SENP6: variants seen among roughly 807,000 people sequenced by gnomAD.
The protein encoded by SENP6 is sentrin-specific protease 6.
Under a neutral mutation model 134.5 loss-of-function variants are expected in SENP6, and 41 were observed. The ratio of observed to expected loss-of-function variants is 0.30; its 90% CI spans 0.24 to 0.40. The LOEUF (loss-of-function observed/expected upper bound fraction) is 0.40, where lower values mean the gene tolerates loss of function less well. Among genes scored for constraint, SENP6 ranks in the 10% least tolerant of loss-of-function variants. The probability of loss-of-function intolerance (pLI) is 1.00; values close to 1 mark genes in which losing one functional copy is unlikely to be tolerated. For missense variants in SENP6, 1,248 were observed against 1,312.5 expected (o/e 0.95, Z 0.76); for synonymous variants, 395 against 429.8 (o/e 0.92, Z 1.00).
intron 6 of SENP6, chr6:75,646,543 T>C (rs1279724362): frequency 6.6e-6 from 1 of 152,216 alleles, no homozygotes; most frequent in Non-Finnish European, 1.5e-5. Flanking sequence ...CTATTATAAG[T>C]ACACTACTGT....
Position 75,716,352 on chromosome 6 carries a change from C to G in SENP6, c.*758C>G, listed in dbSNP as rs987346309. The stretch of plus-strand genomic sequence containing the variant: ...CTTGAATTTCAAATATCCCGTGTTA[C>G]CTTTCTCTATTACAGCTTAAAGTAT... On this transcript the variant is annotated 3_prime_UTR_variant, in exon 24 of 24. Coordinates refer to ENST00000447266, the MANE Select transcript of SENP6 (RefSeq NM_015571.4). 1 of 151,950 alleles carries G rather than the reference C, an allele frequency of 6.6e-6. No individual in the cohort carries two copies. The highest frequency in any genetic ancestry group is 1.5e-5 in the Non-Finnish European group (1 of 67,860). 9.4% of individuals were successfully genotyped at this position (151,950 alleles called of 1,614,324 possible). A position where few individuals can be genotyped will look rare whatever the true frequency, so the allele number is the denominator to read the frequency against.
rs747764103 is a variant in SENP6 at position 75,647,779 on chromosome 6, G to C, written c.528G>C (p.Arg176Ser). 2 of 1,612,902 alleles carry C rather than the reference G, an allele frequency of 1.2e-6. No individual in the cohort carries two copies. Among genetic ancestry groups the C allele is most frequent in the South Asian group, 2.2e-5 (2 of 91,028 alleles). Residue 176 changes from arginine (R) to serine (S), a missense_variant, in exon 7 of 24, where the codon AGG becomes AGC. Physicochemically the swap from Arg to Ser is moderately radical, Grantham distance 110. Transcript: ENST00000447266. ...AAAAAGTTGAAATTAATCCTGTAAG[G>C]TTAAGTCGGCTCCAAGGTGTTGGTA... ...HVQKVEINPV[R>S]LSRLQGVERI...
At chr6:75,660,481 A>C (rs1771688977) in intron 8 of SENP6, among the ~76,000 whole-genome samples, 1 of 152,168 alleles carries the variant, frequency 6.6e-6, no homozygotes, top group Non-Finnish European at 1.5e-5. Flanking sequence ...TTCATGACTT[A>C]CCTTGATGCT....
chr6:75,650,201 T>A (rs796840873), intron 7 of SENP6, among the ~76,000 whole-genome samples: 1 of 152,198 alleles, frequency 6.6e-6, no homozygotes, highest in Non-Finnish European at 1.5e-5. Flanking sequence ...AGAAATGATG[T>A]TGTGGCATTC....
In SENP6 at chr6:75,697,535, T is replaced by G. The variant is rs1774739268; in HGVS notation, c.2288+18T>G. 6.4e-7 allele frequency: 1 copy of G among 1,557,162 alleles called. No individual in the cohort carries two copies. The highest frequency in any genetic ancestry group is 1.1e-5 in the South Asian group (1 of 88,708). ...AATGAAGCGTGAGTAAGAATTTCCT[T>G]TAAAGGAAAATCTTTAAATCATGTA... On this transcript the variant is annotated intron_variant, in intron 18 of 23. Coordinates refer to ENST00000447266, the MANE Select transcript of SENP6 (RefSeq NM_015571.4).
intron 18 of SENP6, among the ~76,000 whole-genome samples, chr6:75,699,242 C>T (rs1314451976): frequency 6.6e-6 from 1 of 150,620 alleles, no homozygotes. Context: ...AAGTTATTAT[C>T]AGTGCTTCCA....
chr6:75,644,471 C>CTTTTTTTTTTTTTTTTTTTTTTTTTTT, intron 6 of SENP6, among the ~76,000 whole-genome samples: 1 of 108,802 alleles, frequency 9.2e-6, no homozygotes, highest in African/African-American at 3.3e-5. Context: ...AAATTTCTTT[C>CTTTTTTTTTTTTTTTTTTTTTTTTTTT]TTTCTTTTTT....
intron 16 of SENP6, among the ~76,000 whole-genome samples, chr6:75,686,627 A>G (rs965546136): frequency 2.0e-5 from 3 of 152,166 alleles, no homozygotes; most frequent in Non-Finnish European, 2.9e-5. Context: ...CTTTGTCTGT[A>G]AAGTATTTTA....
intron 19 of SENP6, among the ~76,000 whole-genome samples, chr6:75,705,820 A>T (rs578012385): frequency 6.7e-6 from 1 of 150,258 alleles, no homozygotes; most frequent in Non-Finnish European, 1.5e-5. Flanking sequence ...AGAATAAATT[A>T]TGTGAATTCA....
intron 14 of SENP6, 127 bp downstream of exon 14, chr6:75,677,383 T>G: frequency 1.3e-6 from 1 of 756,780 alleles, no homozygotes; most frequent in Non-Finnish European, 2.0e-6. Flanking sequence ...ATTACTTACT[T>G]TTATGTGTGA....
intron 1 of SENP6, among the ~76,000 whole-genome samples, chr6:75,607,541 C>G (rs1767118724): frequency 6.6e-6 from 1 of 151,656 alleles, no homozygotes; most frequent in Non-Finnish European, 1.5e-5. Flanking sequence ...ATCTAGTTTT[C>G]TTTTCCTTTT....
At chr6:75,622,672 A>C in intron 2 of SENP6, 1 of 643,794 alleles carries the variant, frequency 1.6e-6, no homozygotes, top group Non-Finnish European at 2.4e-6. Context: ...ATACACACAA[A>C]GTTCTACCAA....
intron 3 of SENP6, 80 bp downstream of exon 3, chr6:75,624,040 A>ATCTT: frequency 1.7e-6 from 2 of 1,160,620 alleles, no homozygotes; most frequent in Non-Finnish European, 2.5e-6. Flanking sequence ...ATATTTTTAA[A>ATCTT]TTATAAACCC....
chr6:75,714,141 C>T (rs1220836163), intron 23 of SENP6, among the ~76,000 whole-genome samples: 1 of 152,190 alleles, frequency 6.6e-6, no homozygotes, highest in Admixed American at 6.5e-5. Context: ...CTTTTCTCCT[C>T]TTCATAGATA....
chr6:75,618,141 T>C (rs1023483569), intron 1 of SENP6, among the ~76,000 whole-genome samples: 2 of 152,206 alleles, frequency 1.3e-5, no homozygotes, highest in African/African-American at 4.8e-5. Flanking sequence ...TTGACGTAAG[T>C]TACCAAGTTG....
intron 16 of SENP6, among the ~76,000 whole-genome samples, chr6:75,694,086 G>A (rs1426736375): frequency 3.3e-5 from 5 of 152,010 alleles, no homozygotes; most frequent in Non-Finnish European, 7.4e-5. Flanking sequence ...GAGAAACCCC[G>A]TCTCTACTAA....
Position 75,702,837 on chromosome 6 carries a change from G to T in SENP6, c.2481G>T (p.Met827Ile). 1 of 1,614,076 alleles carries T rather than the reference G, an allele frequency of 6.2e-7. No individual in the cohort carries two copies. The highest frequency in any genetic ancestry group is 8.5e-7 in the Non-Finnish European group (1 of 1,179,982). ...NSSAKPVIKKMLNKKHCIAVI... is the reference protein window; with the variant it reads ...NSSAKPVIKKILNKKHCIAVI... ...CTGCCAAGCCTGTAATTAAGAAGAT[G>T]CTAAACAAAAAACATTGCATAGCTG... is the stretch of plus-strand genomic sequence containing the variant. The change falls in exon 19 of 24, where the codon ATG (methionine) becomes ATT (isoleucine). Residue 827 changes from methionine to isoleucine, a missense_variant. Coordinates refer to ENST00000447266, the MANE Select transcript of SENP6 (RefSeq NM_015571.4).
intron 1 of SENP6, among the ~76,000 whole-genome samples, chr6:75,606,529 T>A (rs188242853): frequency 7.6e-4 from 116 of 152,304 alleles, no homozygotes; most frequent in Admixed American, 1.6e-3. Context: ...GTTTTTTTCA[T>A]AGAGTGTTCA....
intron 1 of SENP6, among the ~76,000 whole-genome samples, chr6:75,621,261 A>G (rs1359363384): frequency 6.6e-6 from 1 of 152,210 alleles, no homozygotes; most frequent in African/African-American, 2.4e-5. Flanking sequence ...ATATTCATAC[A>G]TATTCATGTG....
Sources: gnomAD v4.1 joint callset for allele counts (sites outside exome capture counted in the v4.1 genomes callset) on GRCh38, gnomAD v4.1.1 for gene constraint, MANE v1.5 for transcripts, NCBI Gene and HGNC (gene_info 2026-07-23, HGNC 2026-07-21) for gene names.